BRINP3: variants seen among roughly 807,000 people sequenced by gnomAD.
BRINP3 encodes BMP/retinoic acid-inducible neural-specific protein 3.
BRINP3 carries 19 observed loss-of-function variants against 71.0 expected under a neutral mutation model. The ratio of observed to expected loss-of-function variants is 0.27; its 90% CI spans 0.19 to 0.39. The LOEUF (loss-of-function observed/expected upper bound fraction) is 0.39. Ranked by LOEUF, BRINP3 falls within the 10% of genes least tolerant of loss-of-function variation. The pLI, the probability that BRINP3 is intolerant of heterozygous loss-of-function variation, is 1.00. For synonymous variants in BRINP3, 380 were observed against 337.7 expected (o/e 1.13, Z -1.37); for missense variants, 959 against 940.8 (o/e 1.02, Z -0.25).
chr1:190,455,064 G>T, intron 1 of BRINP3, 124 bp from the exon 2 acceptor site: 1 of 522,064 alleles, frequency 1.9e-6, no homozygotes, highest in Non-Finnish European at 3.4e-6. Context: ...ATTATCAGCA[G>T]ATAATAAAAT....
chr1:190,263,458 T>A (rs1661367864), intron 4 of BRINP3, among the ~76,000 whole-genome samples: 2 of 152,248 alleles, frequency 1.3e-5, no homozygotes, highest in East Asian at 3.9e-4. Flanking sequence ...TAAGTAACCC[T>A]TAAGCTAAAG....
At chr1:190,113,904 A>G (rs1652902277) in intron 7 of BRINP3, among the ~76,000 whole-genome samples, 1 of 152,162 alleles carries the variant, frequency 6.6e-6, no homozygotes, top group Non-Finnish European at 1.5e-5. Context: ...TTTTACCAGA[A>G]TATCTTTAAA....
chr1:190,122,173 T>C lies in BRINP3; in HGVS notation c.1185-23039A>G, dbSNP rs150399713. On this transcript the variant is annotated intron_variant, in intron 7 of 7. Transcript: ENST00000367462. ...TTTAGTATCATTTTCTGCCATCGGA[T>C]CCATTGTTTAACTCACTTACATAGC... Among the ~76,000 whole-genome samples the C allele has an allele frequency of 2.3e-3, 350 of 152,288 alleles. 4 individuals are homozygous for C. Among genetic ancestry groups the C allele is most frequent in the Non-Finnish European group, 4.1e-3 (276 of 68,020 alleles).
intron 4 of BRINP3, among the ~76,000 whole-genome samples, chr1:190,235,474 A>C (rs1285951739): frequency 6.6e-6 from 1 of 152,036 alleles, no homozygotes; most frequent in African/African-American, 2.4e-5. Context: ...ACTTCATTCC[A>C]ATGTTTACAA....
chr1:190,217,088 T>C (rs953662711), intron 6 of BRINP3: 4 of 151,918 alleles, frequency 2.6e-5, no homozygotes, highest in South Asian at 2.1e-4. Flanking sequence ...TAGATAAGAA[T>C]AGACAAATTA....
intron 2 of BRINP3, among the ~76,000 whole-genome samples, chr1:190,431,249 C>A (rs1183086126): frequency 2.6e-5 from 4 of 152,058 alleles, no homozygotes; most frequent in Admixed American, 2.6e-4. Flanking sequence ...ATTTGATTTT[C>A]TCTATGTGTA....
At chr1:190,172,478 T>A (rs1268812958) in intron 6 of BRINP3, among the ~76,000 whole-genome samples, 1 of 152,122 alleles carries the variant, frequency 6.6e-6, no homozygotes, top group African/African-American at 2.4e-5. Context: ...CTTTATTGAA[T>A]AAAAACTACA....
intron 2 of BRINP3, among the ~76,000 whole-genome samples, chr1:190,355,530 T>TAGCAGTA: frequency 6.6e-6 from 1 of 152,032 alleles, no homozygotes; most frequent in South Asian, 2.1e-4. Context: ...TTTACTGCTA[T>TAGCAGTA]AAACCTGTTT....
chr1:190,456,583 T>G (rs2102638153), intron 1 of BRINP3, among the ~76,000 whole-genome samples: 1 of 152,122 alleles, frequency 6.6e-6, no homozygotes, highest in East Asian at 1.9e-4. Flanking sequence ...ATATTTTTTC[T>G]TATGAGAACT....
intron 4 of BRINP3, among the ~76,000 whole-genome samples, chr1:190,257,398 T>G (rs1344911162): frequency 6.6e-6 from 1 of 152,180 alleles, no homozygotes; most frequent in Non-Finnish European, 1.5e-5. Context: ...TAATCTTTTT[T>G]CAAATTTTTT....
intron 7 of BRINP3, among the ~76,000 whole-genome samples, chr1:190,143,550 C>A (rs1655636383): frequency 6.6e-6 from 1 of 152,114 alleles, no homozygotes; most frequent in South Asian, 2.1e-4. Flanking sequence ...GATGCTTCAA[C>A]AAGCAACACC....
At chr1:190,328,868 A>T (rs767385799) in intron 2 of BRINP3, among the ~76,000 whole-genome samples, 2 of 152,110 alleles carry the variant, frequency 1.3e-5, no homozygotes, top group African/African-American at 4.8e-5. Context: ...TTGGTTCAAC[A>T]TAGAGAAATC....
At chr1:190,229,387 T>A (rs1260677438) in intron 5 of BRINP3, among the ~76,000 whole-genome samples, 1 of 152,022 alleles carries the variant, frequency 6.6e-6, no homozygotes, top group Non-Finnish European at 1.5e-5. Context: ...CTTGCCTCTG[T>A]CATGATTGTG....
intron 1 of BRINP3, among the ~76,000 whole-genome samples, chr1:190,462,796 T>C (rs562440288): frequency 4.6e-5 from 7 of 152,178 alleles, no homozygotes; most frequent in African/African-American, 1.7e-4. Context: ...AAATAACCAA[T>C]TGCAAATTGA....
chr1:190,173,165 T>C (rs1652176387), intron 6 of BRINP3, among the ~76,000 whole-genome samples: 2 of 152,188 alleles, frequency 1.3e-5, no homozygotes, highest in Non-Finnish European at 2.9e-5. Context: ...GCTAGTTTTC[T>C]ATTACACACA....
chr1:190,240,548 T>C (rs901385485), intron 4 of BRINP3, among the ~76,000 whole-genome samples: 7 of 151,808 alleles, frequency 4.6e-5, no homozygotes, highest in Non-Finnish European at 1.0e-4. Context: ...GAGGAGTAGA[T>C]AGATATATGA....
intron 1 of BRINP3, among the ~76,000 whole-genome samples, chr1:190,463,205 A>G (rs1396748374): frequency 1.3e-5 from 2 of 151,858 alleles, no homozygotes; most frequent in Non-Finnish European, 2.9e-5. Context: ...TAAAAATAAG[A>G]CAATTCAACA....
chr1:190,464,397 T>C (rs1676601368), intron 1 of BRINP3, among the ~76,000 whole-genome samples: 1 of 151,982 alleles, frequency 6.6e-6, no homozygotes, highest in African/African-American at 2.4e-5. Flanking sequence ...AGATTTTCAT[T>C]CATGAATCTT....
intron 3 of BRINP3, among the ~76,000 whole-genome samples, chr1:190,267,317 A>C (rs1331038468): frequency 6.6e-6 from 1 of 152,134 alleles, no homozygotes; most frequent in African/African-American, 2.4e-5. Flanking sequence ...ATGGCAATAA[A>C]AAACCTAAAA....
Sources: allele counts gnomAD v4.1 joint callset (sites outside exome capture counted in the v4.1 genomes callset), GRCh38; gene constraint gnomAD v4.1.1; transcripts MANE v1.5; gene names NCBI Gene and HGNC (gene_info 2026-07-23, HGNC 2026-07-21).